LMF1: variants seen among roughly 807,000 people sequenced by gnomAD.
LMF1 encodes the protein transmembrane protein 112.
In LMF1, 68 loss-of-function variants were observed where a neutral mutation model predicts 60.6. The ratio of observed to expected loss-of-function variants is 1.12; its 90% CI spans 0.92 to 1.37. The LOEUF (loss-of-function observed/expected upper bound fraction) is 1.37. Among genes scored for constraint, LMF1 ranks in the 40% most tolerant of loss-of-function variants. LMF1 has a pLI of 0.00. For missense variants in LMF1, 948 were observed against 767.2 expected (o/e 1.24, Z -2.78); for synonymous variants, 418 against 324.7 (o/e 1.29, Z -3.09).
At chr16:947,534 G>A (rs12933840) in intron 2 of LMF1, 132,525 of 455,812 alleles carry the variant, frequency 0.29, 23,204 homozygotes, top group African/African-American at 0.58. Flanking sequence ...CTTTGAAGTG[G>A]AGCCACCATC....
intron 2 of LMF1, chr16:934,497 T>C (rs1430758271): frequency 3.7e-6 from 2 of 537,134 alleles, no homozygotes; most frequent in Admixed American, 3.3e-5. Context: ...TAAGTACCCA[T>C]AGAAATAAAA....
rs1367712518 is a variant in LMF1 at position 914,086 on chromosome 16, C to T, written c.515-3007G>A. Among the ~76,000 whole-genome samples, 9 of 152,260 alleles carry T rather than the reference C, an allele frequency of 5.9e-5. No homozygotes were observed. In the East Asian group the frequency reaches 7.7e-4, roughly 13 times the overall value. On this transcript the variant is annotated intron_variant, in intron 3 of 10. Coordinates refer to ENST00000262301, the MANE Select transcript of LMF1 (RefSeq NM_022773.4). ...CGAGGCCTGGGCGGCTGCAGCTACA[C>T]GCACGGTCTTCTGAGGCCCTACGAG...
rs1276917114 is a variant in LMF1, at chr16:854,058, C to T, written c.*474G>A. The stretch of plus-strand genomic sequence containing the variant: ...CTGTGGGGCGAGGGTTTGGCTGCCC[C>T]AGACGTGACAGGGACTTGGCTCTGA... On this transcript the variant is annotated 3_prime_UTR_variant, in exon 11 of 11. Coordinates refer to ENST00000262301, the MANE Select transcript of LMF1 (RefSeq NM_022773.4). The T allele has an allele frequency of 6.6e-6, 3 of 455,390 alleles. No individual in the cohort carries two copies. Among genetic ancestry groups the T allele is most frequent in the East Asian group, 6.9e-5 (1 of 14,464 alleles). 28.2% of individuals were successfully genotyped at this position (455,390 alleles called of 1,614,324 possible). A position where few individuals can be genotyped will look rare whatever the true frequency, so the allele number is the denominator to read the frequency against.
chr16:950,024 G>A (rs1268114683), intron 2 of LMF1, among the ~76,000 whole-genome samples: 3 of 145,398 alleles, frequency 2.1e-5, no homozygotes, highest in Non-Finnish European at 4.5e-5. Context: ...CAACGACAGA[G>A]TCAGCCAACG....
At chr16:875,304 C>T (rs1166175315) in intron 6 of LMF1, among the ~76,000 whole-genome samples, 4 of 152,130 alleles carry the variant, frequency 2.6e-5, no homozygotes, top group African/African-American at 9.7e-5. Context: ...ACTAAGGGAA[C>T]CCGCAGCCTG....
chr16:859,957 G>T (rs931938656), intron 10 of LMF1, among the ~76,000 whole-genome samples: 6 of 130,042 alleles, frequency 4.6e-5, no homozygotes, highest in Non-Finnish European at 8.9e-5. Flanking sequence ...TGGGTGTGCA[G>T]TGATGGTACC....
chr16:887,919 C>A (rs1296941843), intron 5 of LMF1, among the ~76,000 whole-genome samples: 2 of 152,192 alleles, frequency 1.3e-5, no homozygotes, highest in African/African-American at 4.8e-5. Context: ...GACACCCTTG[C>A]TCCAGGAGCG....
chr16:976,768 G>A (rs770017990), intron 1 of LMF1: 4 of 454,144 alleles, frequency 8.8e-6, no homozygotes, highest in South Asian at 3.1e-5. Context: ...TCCGTGATCT[G>A]GGCGTGCACC....
intron 10 of LMF1, among the ~76,000 whole-genome samples, chr16:867,084 G>A (rs988787981): frequency 6.6e-6 from 1 of 152,222 alleles, no homozygotes; most frequent in African/African-American, 2.4e-5. Context: ...GTTAGCCACA[G>A]CCTGTCATGG....
chr16:916,874 C>T (rs1283369573), intron 3 of LMF1, among the ~76,000 whole-genome samples: 1 of 152,246 alleles, frequency 6.6e-6, no homozygotes, highest in African/African-American at 2.4e-5. Context: ...CGGGTGTCCC[C>T]TCGCAGATCC....
At chr16:882,210 A>G (rs957821524) in intron 5 of LMF1, among the ~76,000 whole-genome samples, 1 of 152,254 alleles carries the variant, frequency 6.6e-6, no homozygotes, top group Non-Finnish European at 1.5e-5. Flanking sequence ...TGTAACAGAC[A>G]TGGGGCTGAC....
chr16:868,515 G>A (rs2069675373), intron 10 of LMF1, among the ~76,000 whole-genome samples: 1 of 152,180 alleles, frequency 6.6e-6, no homozygotes, highest in Non-Finnish European at 1.5e-5. Context: ...AGGCTGCAGG[G>A]CCCACAGGGC....
intron 2 of LMF1, among the ~76,000 whole-genome samples, chr16:944,449 C>G (rs2072187242): frequency 1.3e-5 from 2 of 152,258 alleles, no homozygotes; most frequent in Admixed American, 1.3e-4. Flanking sequence ...ATCCCTGCCT[C>G]CTGAGCTTGG....
At position 869,932 on chromosome 16, in the gene LMF1, G is replaced by T. The variant is rs769848664; in HGVS notation, c.1367C>A (p.Ser456Tyr). 23 of 1,613,202 alleles carry T rather than the reference G, an allele frequency of 1.4e-5. No homozygotes were observed. Among genetic ancestry groups the T allele is most frequent in the Non-Finnish European group, 1.9e-5 (22 of 1,179,876 alleles). The stretch of plus-strand genomic sequence containing the variant: ...CCAGTCCAGGCGGTAGTGGTACGGG[G>T]AGATGAGGCAGGGCCGTCTGCTGGG... ...GDPSRRPCLI[S>Y]PYHYRLDWLM... Residue 456 changes from serine (S) to tyrosine (Y), a missense_variant, in exon 9 of 11, where the codon TCC becomes TAC. By Grantham distance (144) the Ser-to-Tyr change is moderately radical (BLOSUM62 -2). Transcript: ENST00000262301.
At chr16:889,516 C>T (rs1339637275) in intron 5 of LMF1, among the ~76,000 whole-genome samples, 1 of 152,156 alleles carries the variant, frequency 6.6e-6, no homozygotes, top group Non-Finnish European at 1.5e-5. Flanking sequence ...GCATGGCTGC[C>T]TCTTGCTCTG....
chr16:857,385 GT>G, intron 10 of LMF1, among the ~76,000 whole-genome samples: 1 of 152,336 alleles, frequency 6.6e-6, no homozygotes, highest in Non-Finnish European at 1.5e-5. Flanking sequence ...TTGCCAGCAT[GT>G]GGGGTTGTTG....
intron 3 of LMF1, chr16:933,953 G>C: frequency 7.1e-7 from 1 of 1,413,270 alleles, no homozygotes; most frequent in African/African-American, 1.4e-5. Flanking sequence ...GCCTGTGGGT[G>C]CTTTCCCTCT....
chr16:880,099 C>T (rs1044862374), intron 5 of LMF1, among the ~76,000 whole-genome samples: 3 of 152,214 alleles, frequency 2.0e-5, no homozygotes, highest in Non-Finnish European at 2.9e-5. Flanking sequence ...TGCCCACAGG[C>T]GGCCAAGCTG....
chr16:868,790 C>A (rs2069685499), intron 10 of LMF1, among the ~76,000 whole-genome samples, 154 bp downstream of exon 10: 1 of 148,686 alleles, frequency 6.7e-6, no homozygotes, highest in Non-Finnish European at 1.5e-5. Context: ...GGGGGGGGGC[C>A]CTTTTTGCTC....
Sources: allele counts gnomAD v4.1 joint callset (sites outside exome capture counted in the v4.1 genomes callset), GRCh38; gene constraint gnomAD v4.1.1; transcripts MANE v1.5; gene names NCBI Gene and HGNC (gene_info 2026-07-23, HGNC 2026-07-21).